The following RYR3 variants were observed in gnomAD, a reference collection of about 807,000 sequenced individuals.
RYR3 encodes ryanodine receptor 3.
A neutral mutation model predicts 584.3 loss-of-function variants in RYR3; 207 were observed. The observed-to-expected ratio is 0.35, with a 90% CI of 0.32 to 0.40. The LOEUF (loss-of-function observed/expected upper bound fraction) is 0.40, where lower values mean the gene tolerates loss of function less well. Among genes scored for constraint, RYR3 ranks in the 10% least tolerant of loss-of-function variants. RYR3 has a pLI of 1.00. For missense variants in RYR3, 5,616 were observed against 6,089.2 expected, an observed-to-expected ratio of 0.92 and a Z score of 2.59; for synonymous variants, 2,416 against 2,248.5, an observed-to-expected ratio of 1.07 and a Z score of -2.11.
intron 64 of RYR3, among the ~76,000 whole-genome samples, chr15:33,773,881 C>T (rs549512937): frequency 2.0e-5 from 3 of 152,312 alleles, no homozygotes; most frequent in African/African-American, 7.2e-5. Context: ...ATCAGGTGCT[C>T]ATAACCAAAA....
At chr15:33,426,658 T>TA (rs1412755273) in intron 1 of RYR3, among the ~76,000 whole-genome samples, 4 of 152,232 alleles carry the variant, frequency 2.6e-5, no homozygotes, top group Non-Finnish European at 4.4e-5. Flanking sequence ...GGCTGGTAGT[T>TA]AAGTATATTA....
Position 33,413,586 on chromosome 15 carries a change from C to T in RYR3, c.52-59833C>T, listed in dbSNP as rs2043564814. 2.0e-5 allele frequency among the ~76,000 whole-genome samples: 3 copies of T among 152,170 alleles called. 1 individual carries two copies. Among genetic ancestry groups the T allele is most frequent in the African/African-American group, 7.2e-5 (3 of 41,434 alleles). ...ATCTTCATGAAAAGAGATATGTGGT[C>T]TGCAGACTGACTTCTGATCTAGGAC... On this transcript the variant is annotated intron_variant, in intron 1 of 103. Transcript: ENST00000634891.
In RYR3 at chr15:33,534,518, A is replaced by AT. The variant is rs562265847; in HGVS notation, c.433+1139dup. 5.0e-3 allele frequency among the ~76,000 whole-genome samples: 758 copies of AT among 150,312 alleles called. 11 individuals are homozygous for AT. The highest frequency in any genetic ancestry group is 0.025 in the South Asian group (117 of 4,748). ...CTTTGGGAACCAATGGATTATTATT[A>AT]TTTTTTTTTTAGTATAGTCAAAAAT... On this transcript the variant is annotated intron_variant, in intron 5 of 103. Transcript: ENST00000634891.
At chr15:33,480,026 G>A (rs2049816070) in intron 2 of RYR3, among the ~76,000 whole-genome samples, 1 of 152,286 alleles carries the variant, frequency 6.6e-6, no homozygotes, top group South Asian at 2.1e-4. Context: ...AGATTATTAT[G>A]TGCCTCTATA....
At chr15:33,533,009 T>C (rs1466163985) in intron 4 of RYR3, among the ~76,000 whole-genome samples, 1 of 152,114 alleles carries the variant, frequency 6.6e-6, no homozygotes, top group African/African-American at 2.4e-5. Flanking sequence ...CCTGGCTACT[T>C]GGGAGGCTGA....
chr15:33,826,382 C>T (rs2077381217), intron 83 of RYR3, 113 bp downstream of exon 83: 8 of 1,104,534 alleles, frequency 7.2e-6, no homozygotes, highest in Middle Eastern at 2.0e-4. Flanking sequence ...TTGAGTTGAA[C>T]TCAGCAGTTT....
At chr15:33,437,025 G>A (rs2045783715) in intron 1 of RYR3, among the ~76,000 whole-genome samples, 1 of 151,822 alleles carries the variant, frequency 6.6e-6, no homozygotes, top group Non-Finnish European at 1.5e-5. Context: ...CTAACTAGTT[G>A]TCTTAGCATC....
intron 27 of RYR3, among the ~76,000 whole-genome samples, chr15:33,642,724 C>A (rs921214519): frequency 6.6e-6 from 1 of 152,190 alleles, no homozygotes; most frequent in Non-Finnish European, 1.5e-5. Context: ...GCCCCTATCA[C>A]AAAAATACAG....
intron 36 of RYR3, among the ~76,000 whole-genome samples, chr15:33,664,208 T>A (rs886095245): frequency 2.0e-5 from 3 of 152,120 alleles, no homozygotes; most frequent in African/African-American, 7.2e-5. Context: ...GTGGCACGAC[T>A]CTCTCACAAA....
In RYR3 at chr15:33,669,456, G is replaced by A; in HGVS notation, c.5722G>A (p.Gly1908Arg). The A allele has an allele frequency of 6.2e-7, 1 of 1,613,134 alleles. No individual in the cohort carries two copies. The highest frequency in any genetic ancestry group is 2.2e-5 in the East Asian group (1 of 44,866). The part of the protein sequence containing the change: ...DFHEDLLLHC[G>R]VPLEEEEEEE... ...CCATGAGGACCTTCTCCTTCACTGT[G>A]GTAAGCTGCCCAGAGAAAGGCTTTG... Residue 1908 changes from glycine to arginine, a missense_variant and splice_region_variant, in exon 37 of 104, where the codon GGG becomes AGG. Around this residue, in one of 9 missense-constraint regions of RYR3, gnomAD observed 1,280 missense variants for 1,426.2 expected, o/e 0.90. Coordinates refer to ENST00000634891, the MANE Select transcript of RYR3 (RefSeq NM_001036.6).
chr15:33,836,380 A>G (rs1380218733), intron 87 of RYR3, among the ~76,000 whole-genome samples: 1 of 152,142 alleles, frequency 6.6e-6, no homozygotes, highest in Non-Finnish European at 1.5e-5. Context: ...CTGGTATCAA[A>G]ACCATCCAGA....
intron 27 of RYR3, among the ~76,000 whole-genome samples, chr15:33,640,662 G>A (rs1015832563): frequency 6.6e-6 from 1 of 152,246 alleles, no homozygotes; most frequent in Non-Finnish European, 1.5e-5. Flanking sequence ...CCAGTATGAG[G>A]CCTTATAATA....
chr15:33,613,311 A>G lies in RYR3; in HGVS notation c.2293A>G (p.Met765Val). ...CATCAATGGGCAGCCCGTGCAGGGG[A>G]TGTTTGAGAACTTCAACACAGACGG... is the stretch of plus-strand genomic sequence containing the variant. ...FRINGQPVQGMFENFNTDGLF... is the reference protein window; with the variant it reads ...FRINGQPVQGVFENFNTDGLF... Residue 765 changes from methionine to valine, a missense_variant, in exon 19 of 104, where the codon ATG (methionine) becomes GTG (valine). By Grantham distance (21) the Met-to-Val change is conservative. Coordinates refer to ENST00000634891, the MANE Select transcript of RYR3 (RefSeq NM_001036.6). The G allele has an allele frequency of 6.2e-7, 1 of 1,613,896 alleles. No individual in the cohort carries two copies. The highest frequency in any genetic ancestry group is 1.1e-5 in the South Asian group (1 of 91,072).
rs766513513 is a variant in RYR3 at position 33,584,380 on chromosome 15, TCTC to T, written c.1574-12_1574-10del. On this transcript the variant is annotated splice_polypyrimidine_tract_variant and intron_variant, in intron 14 of 103. Transcript: ENST00000634891. ...ATCCTTTAACCTCTATGATCAAACA[TCTC>T]CTTGTTTGCAGCTGCTCTCATTCGC... 7 of 1,488,764 alleles carry T rather than the reference TCTC, an allele frequency of 4.7e-6. No homozygotes were observed. The highest frequency in any genetic ancestry group is 2.3e-5 in the East Asian group (1 of 44,112). 92.2% of individuals were successfully genotyped at this position (1,488,764 alleles called of 1,614,324 possible).
intron 2 of RYR3, among the ~76,000 whole-genome samples, chr15:33,494,174 C>T (rs2051218902): frequency 6.6e-6 from 1 of 151,978 alleles, no homozygotes; most frequent in African/African-American, 2.4e-5. Context: ...GATATTTGTC[C>T]TGCAATTTGG....
chr15:33,582,991 T>C (rs2058669728), intron 14 of RYR3, among the ~76,000 whole-genome samples: 1 of 152,200 alleles, frequency 6.6e-6, no homozygotes, highest in Non-Finnish European at 1.5e-5. Context: ...GAGAGAAGGT[T>C]ATTTGGTGTA....
intron 42 of RYR3, among the ~76,000 whole-genome samples, chr15:33,706,199 A>G (rs2066705203): frequency 6.6e-6 from 1 of 152,134 alleles, no homozygotes; most frequent in Non-Finnish European, 1.5e-5. Context: ...TACGTGTAAG[A>G]TTTATTTTTA....
intron 67 of RYR3, among the ~76,000 whole-genome samples, chr15:33,791,361 G>GAC (rs3086244): frequency 0.013 from 1,986 of 150,692 alleles, 33 homozygotes; most frequent in African/African-American, 0.044. Context: ...GACTGTGTGT[G>GAC]ACACACACAC....
intron 1 of RYR3, among the ~76,000 whole-genome samples, chr15:33,397,575 CA>C (rs1752502301): frequency 6.6e-6 from 1 of 152,178 alleles, no homozygotes; most frequent in Non-Finnish European, 1.5e-5. Context: ...GCTGGTGGAA[CA>C]GGGGCATCGT....
Sources: allele counts gnomAD v4.1 joint callset (sites outside exome capture counted in the v4.1 genomes callset), GRCh38; gene constraint gnomAD v4.1.1; regional missense constraint gnomAD v4.1.1; transcripts MANE v1.5; gene names NCBI Gene and HGNC (gene_info 2026-07-23, HGNC 2026-07-21).